Variants in MED12L observed in about 807,000 individuals in gnomAD.
The protein encoded by MED12L is mediator of RNA polymerase II transcription subunit 12-like protein.
A neutral mutation model predicts 281.3 loss-of-function variants in MED12L; 60 were observed. The ratio of observed to expected loss-of-function variants is 0.21; its 90% CI spans 0.17 to 0.26. The LOEUF is 0.26. Ranked by LOEUF, MED12L falls within the 10% of genes least tolerant of loss-of-function variation. The probability of loss-of-function intolerance (pLI) is 1.00; values close to 1 mark genes in which losing one functional copy is unlikely to be tolerated. For synonymous variants in MED12L, 974 were observed against 987.2 expected (o/e 0.99, Z 0.25); for missense variants, 2,146 against 2,680.9 (o/e 0.80, Z 4.41).
intron 16 of MED12L, chr3:151,212,471 T>C (rs1413465252): frequency 6.6e-6 from 1 of 152,154 alleles, no homozygotes; most frequent in Non-Finnish European, 1.5e-5. Context: ...TGTTCTACGG[T>C]GTGGGTGTGT....
intron 16 of MED12L, among the ~76,000 whole-genome samples, chr3:151,272,933 A>C (rs928192073): frequency 6.6e-6 from 1 of 152,218 alleles, no homozygotes; most frequent in East Asian, 1.9e-4. Flanking sequence ...CCCTAATCCC[A>C]AAATCTGAAG....
intron 26 of MED12L, among the ~76,000 whole-genome samples, chr3:151,371,700 T>C (rs1756209072): frequency 6.6e-6 from 1 of 152,198 alleles, no homozygotes; most frequent in Admixed American, 6.5e-5. Context: ...CCAGGAAATT[T>C]TCTTGTCAAG....
intron 16 of MED12L, among the ~76,000 whole-genome samples, chr3:151,211,205 A>C (rs955951506): frequency 2.6e-5 from 4 of 152,210 alleles, no homozygotes; most frequent in Non-Finnish European, 5.9e-5. Context: ...TTGCATTGCT[A>C]TTCTGCTTTA....
intron 5 of MED12L, 30 bp downstream of exon 5, chr3:151,128,014 T>A (rs775005798): frequency 6.3e-7 from 1 of 1,582,146 alleles, no homozygotes; most frequent in South Asian, 1.1e-5. Flanking sequence ...ACACCTTACA[T>A]TTCATTATTG....
At chr3:151,247,235 C>G (rs1038843211) in intron 16 of MED12L, among the ~76,000 whole-genome samples, 2 of 152,010 alleles carry the variant, frequency 1.3e-5, no homozygotes, top group Non-Finnish European at 2.9e-5. Context: ...ACTGGAAATA[C>G]CATTTGACCC....
At chr3:151,349,245 C>T (rs547751648) in intron 16 of MED12L, among the ~76,000 whole-genome samples, 1 of 149,088 alleles carries the variant, frequency 6.7e-6, no homozygotes, top group African/African-American at 2.6e-5. Flanking sequence ...ATTTCTTTCC[C>T]ACGTGGGGAA....
intron 16 of MED12L, among the ~76,000 whole-genome samples, chr3:151,216,333 T>G (rs1728212424): frequency 1.3e-5 from 2 of 152,198 alleles, no homozygotes; most frequent in Admixed American, 6.5e-5. Flanking sequence ...CTTTTTCATC[T>G]GTATTTGTGG....
Position 151,086,897 on chromosome 3 carries a change from C to G in MED12L, c.-30C>G, listed in dbSNP as rs770925173. Reference sequence around the variant, plus strand: ...AGGCGGCTGCTCCAGCTCCAACTCTCATTCATTTCGCCGGTTAACATGAGA... The same window carrying G: ...AGGCGGCTGCTCCAGCTCCAACTCTGATTCATTTCGCCGGTTAACATGAGA... On this transcript the variant is annotated 5_prime_UTR_variant, in exon 2 of 45. Coordinates refer to ENST00000687756, the MANE Select transcript of MED12L (RefSeq NM_001393769.1). The G allele has an allele frequency of 1.8e-5, 28 of 1,547,062 alleles. No individual in the cohort carries two copies. Among genetic ancestry groups the G allele is most frequent in the Non-Finnish European group, 2.4e-5 (27 of 1,142,546 alleles).
rs1719806907 is a variant in MED12L at position 151,433,937 on chromosome 3, A to G, written c.*1133A>G. 6.5e-6 allele frequency: 1 copy of G among 152,674 alleles called. No homozygotes were observed. The highest frequency in any genetic ancestry group is 2.1e-4 in the South Asian group (1 of 4,836). 9.5% of individuals were successfully genotyped at this position (152,674 alleles called of 1,614,324 possible). On this transcript the variant is annotated 3_prime_UTR_variant, in exon 45 of 45. Transcript: ENST00000687756. ...AATTTATTATAAAGAAATAGTAACTATTTTAACTTTGTTCAAGTATGTGGT... is the reference window on the plus strand; with the variant it reads ...AATTTATTATAAAGAAATAGTAACTGTTTTAACTTTGTTCAAGTATGTGGT...
intron 16 of MED12L, among the ~76,000 whole-genome samples, chr3:151,252,752 G>A (rs936384582): frequency 1.3e-5 from 2 of 152,082 alleles, no homozygotes; most frequent in African/African-American, 2.4e-5. Context: ...GAGTAGGTTT[G>A]TTCATATGTA....
At chr3:151,118,161 T>A (rs111854181) in intron 3 of MED12L, among the ~76,000 whole-genome samples, 26,000 of 151,668 alleles carry the variant, frequency 0.17, 2,476 homozygotes, top group South Asian at 0.28. Flanking sequence ...AGGGTTTTTT[T>A]TATATATATA....
At chr3:151,340,283 A>G (rs1751646702) in intron 16 of MED12L, among the ~76,000 whole-genome samples, 1 of 152,174 alleles carries the variant, frequency 6.6e-6, no homozygotes, top group Non-Finnish European at 1.5e-5. Flanking sequence ...TTTAACAAGT[A>G]TTCTTGACAT....
At chr3:151,363,563 A>G (rs922500075) in intron 21 of MED12L, among the ~76,000 whole-genome samples, 19 of 152,196 alleles carry the variant, frequency 1.2e-4, no homozygotes, top group African/African-American at 4.6e-4. Flanking sequence ...GAAACTGAAA[A>G]TGTCATGACT....
chr3:151,204,477 T>C (rs1376512811), intron 16 of MED12L, among the ~76,000 whole-genome samples: 6 of 152,180 alleles, frequency 3.9e-5, no homozygotes, highest in African/African-American at 1.4e-4. Context: ...CCATAAATTA[T>C]AAACTAGGAG....
rs111496804 is a variant in MED12L, at chr3:151,136,165, C to T, written c.556+8181C>T. The stretch of plus-strand genomic sequence containing the variant: ...CTCCCAAAATACAAAGAATAAACAG[C>T]CACCCTTCTTTCACAGTGGGTAATT... On this transcript the variant is annotated intron_variant, in intron 5 of 44. Transcript: ENST00000687756. Among the ~76,000 whole-genome samples, 876 of 152,272 alleles carry T rather than the reference C, an allele frequency of 5.8e-3. 9 individuals are homozygous for T. The highest frequency in any genetic ancestry group is 0.02 in the African/African-American group (826 of 41,552).
At chr3:151,099,417 AATC>A (rs1250654738) in intron 2 of MED12L, among the ~76,000 whole-genome samples, 2 of 152,254 alleles carry the variant, frequency 1.3e-5, no homozygotes, top group Non-Finnish European at 2.9e-5. Context: ...TTCATTAAAA[AATC>A]ATAGTCAACC....
rs1205230190 is a variant in MED12L, at chr3:151,435,802, A to AT, written c.*3002dup. The AT allele has an allele frequency of 6.6e-6, 1 of 151,684 alleles. No individual in the cohort carries two copies. The highest frequency in any genetic ancestry group is 2.4e-5 in the African/African-American group (1 of 41,242). 9.4% of individuals were successfully genotyped at this position (151,684 alleles called of 1,614,324 possible). A position where few individuals can be genotyped will look rare whatever the true frequency, so the allele number is the denominator to read the frequency against. ...ACACATTTTGTGTAGGATTGATCAG[A>AT]TTTTAAATACAGTGAAACTTCATTA... On this transcript the variant is annotated 3_prime_UTR_variant, in exon 45 of 45. Coordinates refer to ENST00000687756, the MANE Select transcript of MED12L (RefSeq NM_001393769.1).
chr3:151,355,232 C>T lies in MED12L; in HGVS notation c.2510C>T (p.Thr837Ile), dbSNP rs1459584900. The change falls in exon 18 of 45, where the codon ACA becomes ATA. Residue 837 changes from threonine to isoleucine, a missense_variant. Coordinates refer to ENST00000687756, the MANE Select transcript of MED12L (RefSeq NM_001393769.1). ...LLSYFDQHQV[T>I]SQISNNVLEQ... is the part of the protein sequence containing the mutation. ...TCATATTTTGATCAACATCAAGTGA[C>T]ATCTCAGGTAGCTATTTAAAGCTGT... The T allele has an allele frequency of 2.7e-5, 43 of 1,607,142 alleles. No individual in the cohort carries two copies. The highest frequency in any genetic ancestry group is 3.7e-5 in the Non-Finnish European group (43 of 1,174,442).
intron 16 of MED12L, chr3:151,327,189 A>C (rs1749716539): frequency 6.6e-6 from 1 of 152,088 alleles, no homozygotes; most frequent in South Asian, 2.1e-4. Context: ...CAGTAGAAGT[A>C]TTTGTTTTTA....
Sources: gnomAD v4.1 joint callset for allele counts (sites outside exome capture counted in the v4.1 genomes callset) on GRCh38, gnomAD v4.1.1 for gene constraint, MANE v1.5 for transcripts, NCBI Gene and HGNC (gene_info 2026-07-23, HGNC 2026-07-21) for gene names.